Variants in NEMF observed in about 807,000 individuals in gnomAD.
NEMF encodes the protein ribosome quality control complex subunit NEMF.
In NEMF, 89 loss-of-function variants were observed where a neutral mutation model predicts 162.2. The ratio of observed to expected loss-of-function variants is 0.55; its 90% confidence interval spans 0.46 to 0.65. NEMF has a LOEUF of 0.65. Among genes scored for constraint, NEMF ranks in the 30% least tolerant of loss-of-function variants. The probability of loss-of-function intolerance (pLI) is 0.00; values close to 1 mark genes in which losing one functional copy is unlikely to be tolerated. For synonymous variants in NEMF, 421 were observed against 404.5 expected, an observed-to-expected ratio of 1.04 and a Z score of -0.49; for missense variants, 1,133 against 1,261.9, an observed-to-expected ratio of 0.90 and a Z score of 1.55.
intron 6 of NEMF, among the ~76,000 whole-genome samples, chr14:49,837,420 G>A (rs1400725816): frequency 6.6e-6 from 1 of 152,126 alleles, no homozygotes; most frequent in African/African-American, 2.4e-5. Context: ...GGGTGGCCAA[G>A]GTGGTTGGAT....
intron 15 of NEMF, among the ~76,000 whole-genome samples, chr14:49,827,616 C>G (rs933986734): frequency 6.6e-6 from 1 of 151,694 alleles, no homozygotes; most frequent in Non-Finnish European, 1.5e-5. Context: ...AGTTTGAGAC[C>G]AAGCTGACCA....
intron 17 of NEMF, 75 bp from the exon 18 acceptor site, chr14:49,814,125 A>C: frequency 1.1e-6 from 1 of 886,582 alleles, no homozygotes. Flanking sequence ...TTTCAGATGG[A>C]GTCTCGCTCT....
intron 18 of NEMF, among the ~76,000 whole-genome samples, chr14:49,806,346 C>T (rs1891217466): frequency 7.0e-6 from 1 of 143,816 alleles, no homozygotes. Flanking sequence ...ACTGCAACCT[C>T]CGCCTCCCGG....
Position 49,785,216 on chromosome 14 carries a change from T to G in NEMF, c.3029+4A>C. The G allele has an allele frequency of 6.2e-7, 1 of 1,611,500 alleles. No homozygotes were observed. Among genetic ancestry groups the G allele is most frequent in the Non-Finnish European group, 8.5e-7 (1 of 1,177,558 alleles). On this transcript the variant is annotated splice_donor_region_variant and intron_variant, in intron 30 of 32. Transcript: ENST00000298310. ...AGCCATTCTGTCAACTAATGGTAACTTACTTGTAGTTTGTCATGGTGGTGT... is the reference window on the plus strand; with the variant it reads ...AGCCATTCTGTCAACTAATGGTAACGTACTTGTAGTTTGTCATGGTGGTGT...
chr14:49,790,700 C>T lies in NEMF; in HGVS notation c.2620-1127G>A, dbSNP rs993432126. On this transcript the variant is annotated intron_variant, in intron 26 of 32. Transcript: ENST00000298310. ...AATGCATACTTAGGGATCCAAAAGTCATGTGAGGGTCTGGCACGGTGGCTC... is the reference window on the plus strand; with the variant it reads ...AATGCATACTTAGGGATCCAAAAGTTATGTGAGGGTCTGGCACGGTGGCTC... Among the ~76,000 whole-genome samples, 57 of 152,052 alleles carry T rather than the reference C, an allele frequency of 3.7e-4. 1 individual carries two copies. The highest frequency in any genetic ancestry group is 1.3e-3 in the African/African-American group (55 of 41,412).
Position 49,785,217 on chromosome 14 carries a change from T to C in NEMF, c.3029+3A>G. On this transcript the variant is annotated splice_donor_region_variant and intron_variant, in intron 30 of 32. Coordinates refer to ENST00000298310, the MANE Select transcript of NEMF (RefSeq NM_004713.6). ...GCCATTCTGTCAACTAATGGTAACT[T>C]ACTTGTAGTTTGTCATGGTGGTGTA... 1 of 1,611,488 alleles carries C rather than the reference T, an allele frequency of 6.2e-7. No individual in the cohort carries two copies. Among genetic ancestry groups the C allele is most frequent in the Non-Finnish European group, 8.5e-7 (1 of 1,177,566 alleles).
Position 49,832,051 on chromosome 14 carries a change from C to A in NEMF, c.882G>T (p.Lys294Asn). Reference protein sequence around the residue: ...CPYIEFESFDKAVDEFYSKIE... With the variant: ...CPYIEFESFDNAVDEFYSKIE... ...TAAAGGAACAGAACGGAAAACCCACCTTGTCAAATGATTCAAATTCTATAT... is the reference window on the plus strand; with the variant it reads ...TAAAGGAACAGAACGGAAAACCCACATTGTCAAATGATTCAAATTCTATAT... Residue 294 changes from lysine (K) to asparagine (N), a missense_variant and splice_region_variant, in exon 10 of 33, where the codon AAG becomes AAT. Lys to Asn is a moderately conservative substitution (Grantham distance 94, BLOSUM62 0). This residue lies in a region of NEMF where 582 missense variants were observed against 631.5 expected (regional missense o/e 0.92). Transcript: ENST00000298310. 2 of 1,592,366 alleles carry A rather than the reference C, an allele frequency of 1.3e-6. No homozygotes were observed. Among genetic ancestry groups the A allele is most frequent in the African/African-American group, 1.4e-5 (1 of 73,820 alleles).
intron 3 of NEMF, 47 bp downstream of exon 3, chr14:49,851,516 T>A: frequency 7.8e-7 from 1 of 1,282,890 alleles, no homozygotes; most frequent in Non-Finnish European, 1.1e-6. Context: ...AACTTAATTG[T>A]TAGTGAGCAA....
intron 10 of NEMF, 45 bp downstream of exon 10, chr14:49,832,006 A>G (rs902677109): frequency 7.5e-7 from 1 of 1,334,026 alleles, no homozygotes; most frequent in Admixed American, 2.2e-5. Flanking sequence ...TCAACAGCTC[A>G]TATCATGCTA....
At chr14:49,830,671 C>T (rs1023116950) in intron 11 of NEMF, among the ~76,000 whole-genome samples, 1 of 152,270 alleles carries the variant, frequency 6.6e-6, no homozygotes, top group Non-Finnish European at 1.5e-5. Flanking sequence ...CAGGCGTGCG[C>T]CACCGCGCCC....
chr14:49,795,773 G>A lies in NEMF; in HGVS notation c.2619+18C>T. The A allele has an allele frequency of 3.8e-6, 6 of 1,598,666 alleles. No individual in the cohort carries two copies. The highest frequency in any genetic ancestry group is 5.1e-6 in the Non-Finnish European group (6 of 1,175,598). On this transcript the variant is annotated intron_variant, in intron 26 of 32. Transcript: ENST00000298310. ...TCACAAATTAACTGTGAACCATATA[G>A]ATCATCCTGAAGTTTACCTTTTGTC...
chr14:49,813,943 T>C, intron 18 of NEMF, 45 bp downstream of exon 18: 1 of 1,169,346 alleles, frequency 8.6e-7, no homozygotes. Context: ...CTAAAAATAT[T>C]TTAAAGAAAG....
Position 49,851,896 on chromosome 14 carries a change from T to G in NEMF, c.60-21A>C, listed in dbSNP as rs769047752. The G allele has an allele frequency of 5.6e-6, 8 of 1,430,818 alleles. No individual in the cohort carries two copies. In the East Asian group the frequency reaches 1.6e-4, roughly 28 times the overall value. 88.6% of individuals were successfully genotyped at this position (1,430,818 alleles called of 1,614,324 possible). ...GCAAGCTGCAAAGATAAAGGAAACA[T>G]GTAACATGTTACACTATTGTCTGAA... is the stretch of plus-strand genomic sequence containing the variant. On this transcript the variant is annotated intron_variant, in intron 1 of 32. Transcript: ENST00000298310.
intron 28 of NEMF, among the ~76,000 whole-genome samples, chr14:49,788,789 C>T (rs1421010442): frequency 6.6e-6 from 1 of 152,074 alleles, no homozygotes; most frequent in Non-Finnish European, 1.5e-5. Flanking sequence ...AATCTCCTGA[C>T]CTTGTGATCT....
At chr14:49,791,243 G>A (rs559704366) in intron 26 of NEMF, among the ~76,000 whole-genome samples, 6 of 152,224 alleles carry the variant, frequency 3.9e-5, no homozygotes, top group Admixed American at 2.6e-4. Flanking sequence ...GCTGAAGCAG[G>A]AGAATCGCTT....
chr14:49,789,117 A>C (rs1400190361), intron 28 of NEMF, 29 bp downstream of exon 28: 10 of 1,594,874 alleles, frequency 6.3e-6, no homozygotes, highest in Non-Finnish European at 8.6e-6. Flanking sequence ...ACCCTAATTA[A>C]GAAGCAGAAG....
At position 49,838,219 on chromosome 14, in the gene NEMF, A is replaced by G. The variant is rs1195435716; in HGVS notation, c.507-13T>C. On this transcript the variant is annotated splice_polypyrimidine_tract_variant and intron_variant, in intron 5 of 32. Coordinates refer to ENST00000298310, the MANE Select transcript of NEMF (RefSeq NM_004713.6). The stretch of plus-strand genomic sequence containing the variant: ...TATTTCAGTCAACCTGTGAAACAAA[A>G]CGGACATGCCTCTATCATATCTTAA... The G allele has an allele frequency of 6.2e-7, 1 of 1,612,654 alleles. No homozygotes were observed. The highest frequency in any genetic ancestry group is 1.3e-5 in the African/African-American group (1 of 75,056).
chr14:49,834,269 TCTAGAACCACCTGCTCC>T, intron 7 of NEMF, 77 bp downstream of exon 7: 1 of 803,448 alleles, frequency 1.2e-6, no homozygotes, highest in South Asian at 1.5e-5. Flanking sequence ...TGTTTTTCAT[TCTAGAACCACCTGCTCC>T]CTTATTACTT....
intron 4 of NEMF, chr14:49,844,799 C>T: frequency 2.3e-6 from 1 of 426,824 alleles, no homozygotes; most frequent in East Asian, 7.1e-5. Flanking sequence ...GACTGAATCT[C>T]ACTCTGTCAC....
Sources: gnomAD v4.1 joint callset for allele counts (sites outside exome capture counted in the v4.1 genomes callset) on GRCh38, gnomAD v4.1.1 for gene constraint, gnomAD v4.1.1 regional missense constraint, MANE v1.5 for transcripts, NCBI Gene and HGNC (gene_info 2026-07-23, HGNC 2026-07-21) for gene names.